Variants in FBXW7 observed in about 807,000 individuals in gnomAD.
FBXW7 encodes the protein F-box/WD repeat-containing protein 7.
In FBXW7, 11 loss-of-function variants were observed where a neutral mutation model predicts 86.3. The observed-to-expected ratio is 0.13, with a 90% CI of 0.08 to 0.21. The LOEUF (loss-of-function observed/expected upper bound fraction) is 0.21, where lower values mean the gene tolerates loss of function less well. Among genes scored for constraint, FBXW7 ranks in the 10% least tolerant of loss-of-function variants. FBXW7 has a pLI of 1.00. For synonymous variants in FBXW7, 313 were observed against 297.9 expected, an observed-to-expected ratio of 1.05 and a Z score of -0.52; for missense variants, 488 against 847.4, an observed-to-expected ratio of 0.58 and a Z score of 5.27.
intron 4 of FBXW7, among the ~76,000 whole-genome samples, chr4:152,385,408 G>T (rs1579061115): frequency 1.3e-5 from 2 of 151,940 alleles, no homozygotes; most frequent in Admixed American, 6.6e-5. Flanking sequence ...AGCCCTCAAA[G>T]AACTCTAAAG....
At chr4:152,503,069 AT>A (rs1186519701) in intron 2 of FBXW7, among the ~76,000 whole-genome samples, 1 of 152,238 alleles carries the variant, frequency 6.6e-6, no homozygotes, top group East Asian at 1.9e-4. Context: ...TAAAGAAATT[AT>A]TTCAATTATA....
chr4:152,507,907 G>A (rs932112388), intron 2 of FBXW7, among the ~76,000 whole-genome samples: 16 of 151,076 alleles, frequency 1.1e-4, no homozygotes, highest in African/African-American at 3.9e-4. Context: ...AAAAAAAAAG[G>A]CGAAAACTAG....
chr4:152,361,041 G>A (rs1322177402), intron 4 of FBXW7, among the ~76,000 whole-genome samples: 1 of 151,920 alleles, frequency 6.6e-6, no homozygotes, highest in East Asian at 1.9e-4. Flanking sequence ...ATCAAAGTCT[G>A]TGAATTCAAA....
At chr4:152,371,127 A>T (rs1733968515) in intron 4 of FBXW7, among the ~76,000 whole-genome samples, 1 of 151,974 alleles carries the variant, frequency 6.6e-6, no homozygotes. Context: ...TTATTTCTAT[A>T]GTAAAATTAA....
chr4:152,457,080 T>C (rs894465082), intron 2 of FBXW7, among the ~76,000 whole-genome samples: 8 of 152,124 alleles, frequency 5.3e-5, no homozygotes, highest in African/African-American at 1.9e-4. Context: ...TCCAACAATA[T>C]AGACAAATCT....
At chr4:152,328,451 T>A (rs2126517477) in intron 10 of FBXW7, 62 bp from the exon 11 acceptor site, 3 of 1,122,522 alleles carry the variant, frequency 2.7e-6, no homozygotes, top group Non-Finnish European at 3.6e-6. Flanking sequence ...AAATAAAATT[T>A]AATAGCTCAT....
rs1057425969 is a variant in FBXW7 at position 152,458,386 on chromosome 4, C to T, written c.-119-45857G>A. ...AAACTATACTAGTGATGGAGCACATCTATTTTCATCTTTTAAGAGCATCTA... is the reference window on the plus strand; with the variant it reads ...AAACTATACTAGTGATGGAGCACATTTATTTTCATCTTTTAAGAGCATCTA... On this transcript the variant is annotated intron_variant, in intron 2 of 13. Transcript: ENST00000281708. Among the ~76,000 whole-genome samples, 8 of 152,322 alleles carry T rather than the reference C, an allele frequency of 5.3e-5. No homozygotes were observed. The East Asian group carries it at 1.5e-3, about 29-fold the overall frequency.
intron 2 of FBXW7, among the ~76,000 whole-genome samples, chr4:152,471,741 A>G (rs948791655): frequency 1.3e-5 from 2 of 151,746 alleles, no homozygotes; most frequent in African/African-American, 4.8e-5. Flanking sequence ...TCTACAAAAA[A>G]ATTTAAAAAT....
At chr4:152,369,580 T>G (rs1354884692) in intron 4 of FBXW7, among the ~76,000 whole-genome samples, 1 of 152,042 alleles carries the variant, frequency 6.6e-6, no homozygotes, top group African/African-American at 2.4e-5. Context: ...TGTAATAACC[T>G]TAACCATTTT....
At chr4:152,449,802 GTAAT>G (rs1322943815) in intron 2 of FBXW7, among the ~76,000 whole-genome samples, 9 of 152,176 alleles carry the variant, frequency 5.9e-5, no homozygotes, top group African/African-American at 2.2e-4. Flanking sequence ...TTTATACAAT[GTAAT>G]TAATCCACAT....
At chr4:152,486,023 ACCATAT>A (rs1745308113) in intron 2 of FBXW7, among the ~76,000 whole-genome samples, 1 of 152,216 alleles carries the variant, frequency 6.6e-6, no homozygotes, top group African/African-American at 2.4e-5. Context: ...AAACCTGTAT[ACCATAT>A]TACTGTACTG....
intron 2 of FBXW7, among the ~76,000 whole-genome samples, chr4:152,481,703 G>A (rs1284918764): frequency 2.6e-5 from 4 of 152,190 alleles, no homozygotes; most frequent in Admixed American, 2.0e-4. Flanking sequence ...TGGATGTGAG[G>A]AGCTCAAGAC....
At position 152,471,326 on chromosome 4, in the gene FBXW7, TACAA is replaced by T. The variant is rs148528843; in HGVS notation, c.-119-58801_-119-58798del. 3.7e-3 allele frequency among the ~76,000 whole-genome samples: 548 copies of T among 149,678 alleles called. 2 individuals are homozygous for T. The highest frequency in any genetic ancestry group is 0.011 in the African/African-American group (466 of 40,554). ...AGCACATAAAAAAACTGAATTTCAT[TACAA>T]ACAAACAATTTCATTACAATTACAG... On this transcript the variant is annotated intron_variant, in intron 2 of 13. Coordinates refer to ENST00000281708, the MANE Select transcript of FBXW7 (RefSeq NM_001349798.2).
chr4:152,491,262 T>C (rs1413177872), intron 2 of FBXW7, among the ~76,000 whole-genome samples: 2 of 152,118 alleles, frequency 1.3e-5, no homozygotes, highest in African/African-American at 2.4e-5. Context: ...ATAGAATAGC[T>C]CTTCAATTTG....
intron 2 of FBXW7, among the ~76,000 whole-genome samples, chr4:152,465,158 A>C (rs1046039858): frequency 6.6e-6 from 1 of 152,154 alleles, no homozygotes; most frequent in Non-Finnish European, 1.5e-5. Flanking sequence ...GACTCTAGTG[A>C]CAAATTAGTG....
chr4:152,330,350 G>T (rs1187810326), intron 9 of FBXW7, among the ~76,000 whole-genome samples: 1 of 151,706 alleles, frequency 6.6e-6, no homozygotes, highest in East Asian at 1.9e-4. Context: ...GTAAAAATAA[G>T]ACACACAAAA....
At chr4:152,334,787 A>G (rs1729906652) in intron 7 of FBXW7, among the ~76,000 whole-genome samples, 1 of 152,236 alleles carries the variant, frequency 6.6e-6, no homozygotes, top group African/African-American at 2.4e-5. Context: ...GGTTACTGGC[A>G]CACTTTCCTT....
chr4:152,393,988 T>A (rs1736205209), intron 4 of FBXW7, among the ~76,000 whole-genome samples: 1 of 152,108 alleles, frequency 6.6e-6, no homozygotes. Context: ...AGGTTAAAGT[T>A]TATATGCAAG....
chr4:152,467,234 A>G (rs561711813), intron 2 of FBXW7, among the ~76,000 whole-genome samples: 4 of 152,148 alleles, frequency 2.6e-5, no homozygotes, highest in Non-Finnish European at 5.9e-5. Flanking sequence ...TGCTGTTCTC[A>G]TAATAGTGAC....
Sources: gnomAD v4.1 joint callset for allele counts (sites outside exome capture counted in the v4.1 genomes callset) on GRCh38, gnomAD v4.1.1 for gene constraint, MANE v1.5 for transcripts, NCBI Gene and HGNC (gene_info 2026-07-23, HGNC 2026-07-21) for gene names.